Variants in TMEM132B observed in about 807,000 individuals in gnomAD.
The protein encoded by TMEM132B is transmembrane protein 132B.
A neutral mutation model predicts 90.8 loss-of-function variants in TMEM132B; 18 were observed. The observed-to-expected ratio is 0.20, with a 90% CI of 0.14 to 0.29. The LOEUF (loss-of-function observed/expected upper bound fraction) is 0.29. Ranked by LOEUF, TMEM132B falls within the 10% of genes least tolerant of loss-of-function variation. The probability of loss-of-function intolerance (pLI) is 1.00; values close to 1 mark genes in which losing one functional copy is unlikely to be tolerated. For missense variants in TMEM132B, 1,096 were observed against 1,326.8 expected (o/e 0.83, Z 2.70); for synonymous variants, 504 against 523.3 (o/e 0.96, Z 0.50).
At chr12:125,315,451 G>A (rs151064104) in intron 1 of TMEM132B, among the ~76,000 whole-genome samples, 2,868 of 152,202 alleles carry the variant, frequency 0.019, 38 homozygotes, top group Non-Finnish European at 0.028. Flanking sequence ...CGCCTGCCTC[G>A]GCCTCCCAAA....
Position 125,211,608 on chromosome 12 carries a change from G to A in TMEM132B, c.67+24742G>A, listed in dbSNP as rs185123744. Among the ~76,000 whole-genome samples the A allele has an allele frequency of 2.5e-3, 384 of 152,248 alleles. 1 individual carries two copies. The highest frequency in any genetic ancestry group is 8.7e-3 in the African/African-American group (360 of 41,542). ...AGTGAGGAGTAGGGTGGGAAACCAG[G>A]GGATCCAAAAAATAAAGACTAAAAA... On this transcript the variant is annotated intron_variant, in intron 1 of 8. Coordinates refer to ENST00000682704, the MANE Select transcript of TMEM132B (RefSeq NM_001366854.1).
rs1873694921 is a variant in TMEM132B at position 125,226,980 on chromosome 12, A to G, written c.67+40114A>G. On this transcript the variant is annotated intron_variant, in intron 1 of 8. Coordinates refer to ENST00000682704, the MANE Select transcript of TMEM132B (RefSeq NM_001366854.1). ...GTGTCATAAACTGTTAAGTGCTGTAACGGTGTTAGGTAGCAATAATATTGA... is the reference window on the plus strand; with the variant it reads ...GTGTCATAAACTGTTAAGTGCTGTAGCGGTGTTAGGTAGCAATAATATTGA... 5.3e-5 allele frequency among the ~76,000 whole-genome samples: 8 copies of G among 152,332 alleles called. No homozygotes were observed. In the South Asian group the frequency reaches 1.7e-3, roughly 32 times the overall value.
At chr12:125,500,882 A>G (rs544138359) in intron 3 of TMEM132B, among the ~76,000 whole-genome samples, 2 of 152,326 alleles carry the variant, frequency 1.3e-5, no homozygotes, top group South Asian at 2.1e-4. Flanking sequence ...AGGATCTCCA[A>G]TGCTTGTCCC....
At chr12:125,381,487 A>G (rs1039910155) in intron 2 of TMEM132B, among the ~76,000 whole-genome samples, 5 of 152,180 alleles carry the variant, frequency 3.3e-5, no homozygotes, top group South Asian at 4.1e-4. Flanking sequence ...GAGTTTATCT[A>G]TTGGCCTCCC....
In TMEM132B at chr12:125,186,716, C is replaced by T. The variant is rs1957762435; in HGVS notation, c.-84C>T. On this transcript the variant is annotated 5_prime_UTR_variant, in exon 1 of 9. Coordinates refer to ENST00000682704, the MANE Select transcript of TMEM132B (RefSeq NM_001366854.1). This position sits in a 1 kb window ranked among gnomAD's most constrained non-coding sequence, Gnocchi z 6.3. ...CATGCCCGGCGCCCGGGCGTAGCCG[C>T]CGGGGGCTGCTCCGGGAGCCGCGGG... 1 of 146,588 alleles carries T rather than the reference C, an allele frequency of 6.8e-6. No homozygotes were observed. Among genetic ancestry groups the T allele is most frequent in the South Asian group, 2.1e-4 (1 of 4,812 alleles). 9.1% of individuals were successfully genotyped at this position (146,588 alleles called of 1,614,324 possible). A position where few individuals can be genotyped will look rare whatever the true frequency, so the allele number is the denominator to read the frequency against.
intron 1 of TMEM132B, among the ~76,000 whole-genome samples, chr12:125,258,465 T>A (rs906952386): frequency 1.3e-5 from 2 of 152,200 alleles, no homozygotes; most frequent in African/African-American, 4.8e-5. Context: ...GCTTGAAGAT[T>A]AGAGCTGCCA....
chr12:125,366,300 C>T (rs1306277548), intron 2 of TMEM132B, among the ~76,000 whole-genome samples: 1 of 152,088 alleles, frequency 6.6e-6, no homozygotes, highest in Non-Finnish European at 1.5e-5. Flanking sequence ...TAGGTTGATT[C>T]CATATTGTGG....
chr12:125,212,537 A>G (rs1484062802), intron 1 of TMEM132B, among the ~76,000 whole-genome samples: 1 of 152,086 alleles, frequency 6.6e-6, no homozygotes, highest in Admixed American at 6.6e-5. Context: ...TACTAAAAAT[A>G]CAAAAAATTA....
At position 125,546,474 on chromosome 12, in the gene TMEM132B, G is replaced by A. The variant is rs138676843; in HGVS notation, c.1293+26849G>A. ...TGGGATTACAGGCATGAGCCACCAC[G>A]ACCGGCTGCAAGTATTGTCTTTCTG... On this transcript the variant is annotated intron_variant, in intron 4 of 8. Coordinates refer to ENST00000682704, the MANE Select transcript of TMEM132B (RefSeq NM_001366854.1). Among the ~76,000 whole-genome samples, 64 of 152,238 alleles carry A rather than the reference G, an allele frequency of 4.2e-4. 1 individual carries two copies. Among genetic ancestry groups the A allele is most frequent in the Non-Finnish European group, 3.5e-4 (24 of 68,004 alleles).
chr12:125,569,758 AC>A (rs539972469), intron 4 of TMEM132B, among the ~76,000 whole-genome samples: 6 of 151,300 alleles, frequency 4.0e-5, no homozygotes, highest in Non-Finnish European at 5.9e-5. Context: ...AGCTTGACCA[AC>A]CCCCCCATCT....
In TMEM132B at chr12:125,542,222, T is replaced by C. The variant is rs535679766; in HGVS notation, c.1293+22597T>C. On this transcript the variant is annotated intron_variant, in intron 4 of 8. Transcript: ENST00000682704. ...CCAGAGAGAAAACAGCTTGCGTCCATGTTGCTGCTCAACAATGTCTTTCTT... is the reference window on the plus strand; with the variant it reads ...CCAGAGAGAAAACAGCTTGCGTCCACGTTGCTGCTCAACAATGTCTTTCTT... 2.8e-4 allele frequency among the ~76,000 whole-genome samples: 43 copies of C among 152,274 alleles called. No individual in the cohort carries two copies. In the South Asian group the frequency reaches 6.4e-3, roughly 23 times the overall value.
intron 5 of TMEM132B, among the ~76,000 whole-genome samples, chr12:125,643,020 CTTCTGACA>C (rs1415258221): frequency 1.3e-5 from 2 of 152,154 alleles, no homozygotes; most frequent in African/African-American, 4.8e-5. Flanking sequence ...GAAGTGGGCA[CTTCTGACA>C]TTGTTCTTGA....
chr12:125,354,131 A>C (rs911377212), intron 2 of TMEM132B, among the ~76,000 whole-genome samples: 1 of 152,154 alleles, frequency 6.6e-6, no homozygotes, highest in Non-Finnish European at 1.5e-5. Context: ...GAGGGAGAGG[A>C]CCAGAGGAGG....
chr12:125,629,507 G>A lies in TMEM132B; in HGVS notation c.1438-14569G>A, dbSNP rs190371390. ...TGATTTTGTATCCTGCAATGTTACT[G>A]GATTTGTTCATCAGTTCTAATAGTT... On this transcript the variant is annotated intron_variant, in intron 5 of 8. Transcript: ENST00000682704. Among the ~76,000 whole-genome samples the A allele has an allele frequency of 3.9e-5, 6 of 152,132 alleles. No homozygotes were observed. In the South Asian group the frequency reaches 6.2e-4, roughly 16 times the overall value.
intron 4 of TMEM132B, among the ~76,000 whole-genome samples, chr12:125,578,291 G>C (rs916257752): frequency 6.6e-6 from 1 of 151,938 alleles, no homozygotes; most frequent in Non-Finnish European, 1.5e-5. Context: ...TTGTTGTTAG[G>C]TGCATCTGTT....
intron 3 of TMEM132B, among the ~76,000 whole-genome samples, chr12:125,462,105 G>A (rs1449525346): frequency 6.6e-6 from 1 of 152,134 alleles, no homozygotes; most frequent in Non-Finnish European, 1.5e-5. Flanking sequence ...TGAAGCACGT[G>A]GACTAAAAGT....
At chr12:125,561,418 G>A (rs1052946849) in intron 4 of TMEM132B, among the ~76,000 whole-genome samples, 2 of 152,138 alleles carry the variant, frequency 1.3e-5, no homozygotes, top group Non-Finnish European at 1.5e-5. Context: ...AATACCTAAC[G>A]TAGGTAATGA....
chr12:125,397,667 T>G (rs543926530), intron 2 of TMEM132B, among the ~76,000 whole-genome samples: 58 of 152,338 alleles, frequency 3.8e-4, no homozygotes, highest in Non-Finnish European at 7.8e-4. Flanking sequence ...TTGTGGAGCA[T>G]AAGGACCAGA....
In TMEM132B at chr12:125,485,536, C is replaced by G. The variant is rs188001139; in HGVS notation, c.1107-33903C>G. Among the ~76,000 whole-genome samples, 3 of 152,268 alleles carry G rather than the reference C, an allele frequency of 2.0e-5. No homozygotes were observed. In the East Asian group the frequency reaches 5.8e-4, roughly 29 times the overall value. ...AGTGCCGGAACTAGGTCTAATTCCT[C>G]CTCTAACCTGTTATGCCAAGTCCAG... On this transcript the variant is annotated intron_variant, in intron 3 of 8. Transcript: ENST00000682704.
Sources: gnomAD v4.1 joint callset for allele counts (sites outside exome capture counted in the v4.1 genomes callset) on GRCh38, gnomAD v4.1.1 for gene constraint, Gnocchi (gnomAD v3.1) non-coding constraint, MANE v1.5 for transcripts, NCBI Gene and HGNC (gene_info 2026-07-23, HGNC 2026-07-21) for gene names.